Variants in LMF1 observed in about 807,000 individuals in gnomAD.
LMF1 encodes the protein transmembrane protein 112.
Under a neutral mutation model 60.6 loss-of-function variants are expected in LMF1, and 68 were observed. The observed-to-expected ratio is 1.12, with a 90% CI of 0.92 to 1.37. The LOEUF (loss-of-function observed/expected upper bound fraction) is 1.37. Ranked by LOEUF, LMF1 falls within the 40% of genes most tolerant of loss-of-function variation. The pLI is 0.00. For synonymous variants in LMF1, 418 were observed against 324.7 expected (o/e 1.29, Z -3.09); for missense variants, 948 against 767.2 (o/e 1.24, Z -2.78).
At chr16:869,305 C>A (rs2069706385) in intron 9 of LMF1, 1 of 676,264 alleles carries the variant, frequency 1.5e-6, no homozygotes. Flanking sequence ...AGCCTGTCCA[C>A]CCCAGCACCC....
intron 6 of LMF1, among the ~76,000 whole-genome samples, chr16:877,678 C>T (rs2070031625): frequency 6.6e-6 from 1 of 152,142 alleles, no homozygotes; most frequent in African/African-American, 2.4e-5. Flanking sequence ...AGAGGCAGTG[C>T]GCGGGGTGGC....
chr16:964,882 G>A (rs2072892262), intron 1 of LMF1, among the ~76,000 whole-genome samples: 1 of 152,232 alleles, frequency 6.6e-6, no homozygotes, highest in African/African-American at 2.4e-5. Context: ...CAGCTGCCGG[G>A]GAGACGCGAT....
chr16:856,098 C>T (rs981599674), intron 10 of LMF1: 2 of 381,774 alleles, frequency 5.2e-6, no homozygotes, highest in South Asian at 2.0e-5. Flanking sequence ...GGAGTGGGGT[C>T]GGGCCTTTGG....
At chr16:865,501 C>T (rs1284572910) in intron 10 of LMF1, among the ~76,000 whole-genome samples, 1 of 152,168 alleles carries the variant, frequency 6.6e-6, no homozygotes, top group South Asian at 2.1e-4. Flanking sequence ...AGGCGTGTGG[C>T]ACCATACTCG....
chr16:922,368 G>A (rs1003348387), intron 3 of LMF1, among the ~76,000 whole-genome samples: 1 of 152,226 alleles, frequency 6.6e-6, no homozygotes, highest in East Asian at 1.9e-4. Context: ...CTGGTAGCCA[G>A]GTAGGCAGAA....
chr16:922,664 G>A (rs1292894275), intron 3 of LMF1, among the ~76,000 whole-genome samples: 1 of 139,092 alleles, frequency 7.2e-6, no homozygotes, highest in Non-Finnish European at 1.6e-5. Flanking sequence ...CTGGGTTTTC[G>A]GGTGTGATGT....
chr16:865,802 C>T (rs935079465), intron 10 of LMF1, among the ~76,000 whole-genome samples: 6 of 152,216 alleles, frequency 3.9e-5, no homozygotes, highest in African/African-American at 1.4e-4. Flanking sequence ...GTTACAGTCT[C>T]AGTCCCACAG....
At chr16:904,888 G>A (rs1278304005) in intron 4 of LMF1, 1 of 103,628 alleles carries the variant, frequency 9.6e-6, no homozygotes, top group African/African-American at 6.7e-5. Flanking sequence ...TCTGCTGCGT[G>A]GTGGTGACCT....
intron 3 of LMF1, among the ~76,000 whole-genome samples, chr16:923,278 C>CA (rs1363127295): frequency 6.6e-6 from 1 of 152,168 alleles, no homozygotes; most frequent in African/African-American, 2.4e-5. Flanking sequence ...CTAACACTGG[C>CA]ACGGTGCACT....
intron 5 of LMF1, chr16:881,485 G>C (rs964737503): frequency 3.3e-5 from 5 of 152,238 alleles, no homozygotes; most frequent in African/African-American, 1.2e-4. Flanking sequence ...CAGACCTCAG[G>C]AAACAGCCTG....
rs1389861106 is a variant in LMF1 at position 970,777 on chromosome 16, C to T, written c.193+11G>A. The stretch of plus-strand genomic sequence containing the variant: ...ACACTGGCGGATGTCCCGGGCCCGC[C>T]CGGCACTCACAGTACACGAAGGCTA... On this transcript the variant is annotated intron_variant, in intron 1 of 10. Coordinates refer to ENST00000262301, the MANE Select transcript of LMF1 (RefSeq NM_022773.4). 1.1e-5 allele frequency: 17 copies of T among 1,515,176 alleles called. No individual in the cohort carries two copies. Among genetic ancestry groups the T allele is most frequent in the South Asian group, 3.7e-5 (3 of 80,890 alleles). The allele number at this position is 1,515,176 out of a possible 1,614,324, so 93.9% of individuals were successfully genotyped here.
intron 10 of LMF1, among the ~76,000 whole-genome samples, chr16:860,841 G>C (rs927411174): frequency 1.3e-5 from 2 of 152,180 alleles, no homozygotes; most frequent in Non-Finnish European, 2.9e-5. Flanking sequence ...TTGCATGTCT[G>C]TCCCTCTGTC....
intron 3 of LMF1, chr16:931,771 G>T (rs1395459762): frequency 1.1e-5 from 14 of 1,287,100 alleles, no homozygotes; most frequent in Admixed American, 2.3e-5. Flanking sequence ...CTGCGCGACA[G>T]TCCAAAGTGA....
chr16:897,868 C>A lies in LMF1; in HGVS notation c.664-4796G>T, dbSNP rs148042186. ...GTTTCCGCACTTTCTTGCCCTCATGCAAGAGAGAACTGGCATGGGAGGTGG... is the reference window on the plus strand; with the variant it reads ...GTTTCCGCACTTTCTTGCCCTCATGAAAGAGAGAACTGGCATGGGAGGTGG... On this transcript the variant is annotated intron_variant, in intron 4 of 10. Transcript: ENST00000262301. This position sits in a 1 kb window ranked among gnomAD's most constrained non-coding sequence, Gnocchi z 4.3. 6.6e-6 allele frequency among the ~76,000 whole-genome samples: 1 copy of A among 152,232 alleles called. No homozygotes were observed. The highest frequency in any genetic ancestry group is 1.5e-5 in the Non-Finnish European group (1 of 68,028).
intron 1 of LMF1, chr16:976,594 G>A (rs1266248658): frequency 2.2e-6 from 1 of 454,116 alleles, no homozygotes; most frequent in East Asian, 6.9e-5. Context: ...AGGACCCTCT[G>A]CCCATTATCA....
rs565612502 is a variant in LMF1, at chr16:979,320, C to G, written c.-135+1825G>C. ...ACCACTCTGCATGGGGATCCTCACC[C>G]ACATACCGCCCTCCCGGGAGTGCAC... On this transcript the variant is annotated intron_variant, in intron 1 of 6. Transcript: ENST00000570014. 602 of 355,178 alleles carry G rather than the reference C, an allele frequency of 1.7e-3. 6 individuals carry two copies. Among genetic ancestry groups the G allele is most frequent in the African/African-American group, 0.012 (544 of 46,864 alleles). 22.0% of individuals were successfully genotyped at this position (355,178 alleles called of 1,614,324 possible).
chr16:854,380 C>A lies in LMF1; in HGVS notation c.*152G>T, dbSNP rs1256525526. 2 of 851,346 alleles carry A rather than the reference C, an allele frequency of 2.3e-6. No individual in the cohort carries two copies. Among genetic ancestry groups the A allele is most frequent in the East Asian group, 2.7e-5 (1 of 37,716 alleles). 52.7% of individuals were successfully genotyped at this position (851,346 alleles called of 1,614,324 possible). ...GCCGCCACAGTATGTGACAACAGAC[C>A]CCACCCTGGACCCCCGTGCTGGGGG... On this transcript the variant is annotated 3_prime_UTR_variant, in exon 11 of 11. Coordinates refer to ENST00000262301, the MANE Select transcript of LMF1 (RefSeq NM_022773.4).
chr16:935,582 A>C (rs1052240666), intron 2 of LMF1, among the ~76,000 whole-genome samples: 2 of 152,062 alleles, frequency 1.3e-5, no homozygotes, highest in African/African-American at 2.4e-5. Flanking sequence ...AAAAAAAAAA[A>C]AACTCATAAT....
At chr16:954,238 C>T (rs754251676) in intron 2 of LMF1, 119 bp downstream of exon 2, 1 of 1,076,678 alleles carries the variant, frequency 9.3e-7, no homozygotes, top group South Asian at 1.3e-5. Context: ...TGACAATACC[C>T]TCCTGAAGGA....
Sources: allele counts gnomAD v4.1 joint callset (sites outside exome capture counted in the v4.1 genomes callset), GRCh38; gene constraint gnomAD v4.1.1; non-coding constraint Gnocchi (gnomAD v3.1); transcripts MANE v1.5; gene names NCBI Gene and HGNC (gene_info 2026-07-23, HGNC 2026-07-21).